TOR1AIP1: variants seen among roughly 807,000 people sequenced by gnomAD.
TOR1AIP1 encodes torsin-1A-interacting protein 1.
In TOR1AIP1, 54 loss-of-function variants were observed where a neutral mutation model predicts 63.3. The observed-to-expected ratio is 0.85, with a 90% CI of 0.69 to 1.07. The LOEUF (loss-of-function observed/expected upper bound fraction) is 1.07. Ranked by LOEUF, TOR1AIP1 falls within the 50% of genes least tolerant of loss-of-function variation. The pLI, the probability that TOR1AIP1 is intolerant of heterozygous loss-of-function variation, is 0.00. For synonymous variants in TOR1AIP1, 294 were observed against 273.5 expected, an observed-to-expected ratio of 1.07 and a Z score of -0.74; for missense variants, 736 against 715.0, an observed-to-expected ratio of 1.03 and a Z score of -0.33.
Position 179,882,455 on chromosome 1 carries a change from G to A in TOR1AIP1, c.-48G>A, listed in dbSNP as rs1387797396. 5.8e-6 allele frequency: 8 copies of A among 1,388,352 alleles called. No individual in the cohort carries two copies. Among genetic ancestry groups the A allele is most frequent in the South Asian group, 1.8e-5 (1 of 56,562 alleles). 86.0% of individuals were successfully genotyped at this position (1,388,352 alleles called of 1,614,324 possible). A position where few individuals can be genotyped will look rare whatever the true frequency, so the allele number is the denominator to read the frequency against. On this transcript the variant is annotated 5_prime_UTR_variant, in exon 1 of 10. Coordinates refer to ENST00000606911, the MANE Select transcript of TOR1AIP1 (RefSeq NM_015602.4). ...TCGCCACCACCGGCAGGAGAACCTA[G>A]GGTCCATAAAGCCATCTTCGCGATC... is the stretch of plus-strand genomic sequence containing the variant.
chr1:179,892,761 A>G (rs1476867803), intron 3 of TOR1AIP1, among the ~76,000 whole-genome samples: 2 of 151,846 alleles, frequency 1.3e-5, no homozygotes, highest in African/African-American at 4.8e-5. Context: ...AAAACTTTTT[A>G]AAAAAGAGAA....
In TOR1AIP1 at chr1:179,882,886, C is replaced by A; in HGVS notation, c.384C>A (p.Thr128=). 6.2e-7 allele frequency: 1 copy of A among 1,614,158 alleles called. No individual in the cohort carries two copies. Among genetic ancestry groups the A allele is most frequent in the Non-Finnish European group, 8.5e-7 (1 of 1,180,028 alleles). The change falls in exon 1 of 10, where the codon ACC becomes ACA. Residue 128 remains threonine (T), a synonymous_variant. Transcript: ENST00000606911. ...ETEEMKTRRT[T]RLQQQHSEQP... ...AGGAAATGAAGACGCGAAGGACTAC[C>A]CGCCTTCAGCAGCAGCACTCAGAGC...
chr1:179,886,489 T>A (rs1010507215), intron 2 of TOR1AIP1, among the ~76,000 whole-genome samples: 2 of 152,206 alleles, frequency 1.3e-5, no homozygotes, highest in Admixed American at 1.3e-4. Context: ...CCTGCATAAC[T>A]CACAGGGCCT....
intron 1 of TOR1AIP1, among the ~76,000 whole-genome samples, chr1:179,883,393 A>T (rs574097076): frequency 6.6e-6 from 1 of 152,314 alleles, no homozygotes; most frequent in South Asian, 2.1e-4. Flanking sequence ...CGCGGGCCAG[A>T]GTCCCCAGCT....
chr1:179,902,159 G>A (rs1019458696), intron 5 of TOR1AIP1, among the ~76,000 whole-genome samples: 1 of 150,690 alleles, frequency 6.6e-6, no homozygotes, highest in African/African-American at 2.4e-5. Flanking sequence ...CCAAGCAGGT[G>A]GGATTACAGG....
intron 9 of TOR1AIP1, among the ~76,000 whole-genome samples, chr1:179,916,351 T>C (rs1367608374): frequency 6.6e-6 from 1 of 152,094 alleles, no homozygotes. Flanking sequence ...CCCCACAAAA[T>C]AGGGTCTTGA....
chr1:179,916,800 T>C (rs1649033533), intron 9 of TOR1AIP1, among the ~76,000 whole-genome samples: 1 of 150,404 alleles, frequency 6.6e-6, no homozygotes, highest in African/African-American at 2.4e-5. Flanking sequence ...GCCTCCCGTG[T>C]TCAAGTGATT....
intron 8 of TOR1AIP1, 26 bp from the exon 9 acceptor site, chr1:179,913,972 T>G: frequency 6.2e-7 from 1 of 1,600,354 alleles, no homozygotes; most frequent in Non-Finnish European, 8.5e-7. Flanking sequence ...AAGTTGATAG[T>G]CTTATTTTAT....
chr1:179,907,428 CAAAA>C (rs765148475), intron 6 of TOR1AIP1, among the ~76,000 whole-genome samples: 2 of 50,686 alleles, frequency 3.9e-5, no homozygotes, highest in Admixed American at 2.2e-4. Context: ...GACCCTGTCT[CAAAA>C]AAAAAAAAAA....
At chr1:179,903,569 G>C (rs1648530383) in intron 5 of TOR1AIP1, among the ~76,000 whole-genome samples, 3 of 150,752 alleles carry the variant, frequency 2.0e-5, no homozygotes, top group African/African-American at 7.3e-5. Context: ...GTACAGTGGT[G>C]CGATCTCGGC....
rs1647762682 is a variant in TOR1AIP1 at position 179,882,788 on chromosome 1, A to G, written c.286A>G (p.Lys96Glu). The G allele has an allele frequency of 6.2e-7, 1 of 1,614,082 alleles. No individual in the cohort carries two copies. Among genetic ancestry groups the G allele is most frequent in the African/African-American group, 1.3e-5 (1 of 74,916 alleles). ...RLEEFRSDSAKEEVRESAYYL... is the reference protein window; with the variant it reads ...RLEEFRSDSAEEEVRESAYYL... ...AGAAGAGTTCCGGTCCGATTCTGCG[A>G]AAGAGGAAGTGAGAGAAAGCGCGTA... Residue 96 changes from lysine (K) to glutamate (E), a missense_variant, in exon 1 of 10, where the codon AAA (lysine) becomes GAA (glutamate). Lys to Glu is a moderately conservative substitution (Grantham distance 56). Around this residue, in one of 2 missense-constraint regions of TOR1AIP1, gnomAD observed 464 missense variants for 371.0 expected, o/e 1.25. Coordinates refer to ENST00000606911, the MANE Select transcript of TOR1AIP1 (RefSeq NM_015602.4).
chr1:179,896,957 A>G (rs1328034950), intron 3 of TOR1AIP1, among the ~76,000 whole-genome samples: 5 of 152,200 alleles, frequency 3.3e-5, no homozygotes, highest in South Asian at 2.1e-4. Context: ...CTGATTCAAT[A>G]ATGATTGATT....
intron 3 of TOR1AIP1, among the ~76,000 whole-genome samples, chr1:179,895,926 AAAAC>A (rs1185278495): frequency 6.6e-6 from 1 of 152,150 alleles, no homozygotes; most frequent in Non-Finnish European, 1.5e-5. Flanking sequence ...CTCAAAAAAA[AAAAC>A]AAAAACAAAA....
intron 5 of TOR1AIP1, 36 bp from the exon 6 acceptor site, chr1:179,903,930 G>T: frequency 7.1e-7 from 1 of 1,400,286 alleles, no homozygotes; most frequent in Non-Finnish European, 1.0e-6. Flanking sequence ...CTAAAAGTTG[G>T]ATATTATTTA....
intron 1 of TOR1AIP1, 61 bp downstream of exon 1, chr1:179,883,038 G>A: frequency 6.7e-7 from 1 of 1,492,682 alleles, no homozygotes; most frequent in Non-Finnish European, 9.2e-7. Flanking sequence ...GGGCGGGCGC[G>A]CGCCTCGGTG....
Position 179,917,679 on chromosome 1 carries a change from C to G in TOR1AIP1, c.1192C>G (p.Leu398Val). 1 of 1,614,224 alleles carries G rather than the reference C, an allele frequency of 6.2e-7. No individual in the cohort carries two copies. Among genetic ancestry groups the G allele is most frequent in the Non-Finnish European group, 8.5e-7 (1 of 1,180,038 alleles). The change falls in exon 10 of 10, where the codon CTT becomes GTT. Residue 398 changes from leucine to valine, a missense_variant. This residue lies in a region of TOR1AIP1 where 272 missense variants were observed against 344.1 expected (regional missense o/e 0.79). Transcript: ENST00000606911. ...KRSQTFLEKH[L>V]NSSHPRSQPA... is the part of the protein sequence containing the mutation. ...GAGCCAAACATTCCTGGAAAAACAT[C>G]TTAATAGCTCCCATCCTCGGTCTCA...
intron 1 of TOR1AIP1, chr1:179,883,574 C>T (rs1446112000): frequency 4.4e-6 from 2 of 455,618 alleles, no homozygotes; most frequent in Non-Finnish European, 8.8e-6. Context: ...ACTGATGTTC[C>T]CCAGTGTTTG....
intron 8 of TOR1AIP1, among the ~76,000 whole-genome samples, chr1:179,909,305 C>CTTTG (rs1648753934): frequency 6.6e-6 from 1 of 152,162 alleles, no homozygotes; most frequent in Admixed American, 6.5e-5. Flanking sequence ...TTTGGAACAG[C>CTTTG]TTTGTATACT....
In TOR1AIP1 at chr1:179,889,353, A is replaced by G; in HGVS notation, c.594A>G (p.Leu198=). Residue 198 remains leucine, a synonymous_variant, in exon 3 of 10, where the codon CTA becomes CTG. Coordinates refer to ENST00000606911, the MANE Select transcript of TOR1AIP1 (RefSeq NM_015602.4). ...TAATCAGGTTACGTCGACCCCCTCT[A>G]AGATACCCAAGATATGGTAAGAGAT... ...DLVIRLRRPP[L]RYPRYEATSV... The G allele has an allele frequency of 6.2e-7, 1 of 1,607,000 alleles. No individual in the cohort carries two copies. Among genetic ancestry groups the G allele is most frequent in the Non-Finnish European group, 8.5e-7 (1 of 1,174,882 alleles).
Sources: gnomAD v4.1 joint callset for allele counts (sites outside exome capture counted in the v4.1 genomes callset) on GRCh38, gnomAD v4.1.1 for gene constraint, gnomAD v4.1.1 regional missense constraint, MANE v1.5 for transcripts, NCBI Gene and HGNC (gene_info 2026-07-23, HGNC 2026-07-21) for gene names.